Variants in TRMT9B observed in about 807,000 individuals in gnomAD.
TRMT9B encodes the protein probable tRNA methyltransferase 9B.
Under a neutral mutation model 11.5 loss-of-function variants are expected in TRMT9B, and 16 were observed. That is an observed-to-expected ratio of 1.39 (90% CI 0.94 to 2.11). The LOEUF (loss-of-function observed/expected upper bound fraction) is 2.11. Ranked by LOEUF, TRMT9B falls within the 30% of genes most tolerant of loss-of-function variation. The pLI is 0.00. For missense variants in TRMT9B, 941 were observed against 553.8 expected, an observed-to-expected ratio of 1.70 and a Z score of -7.02; for synonymous variants, 274 against 192.4, an observed-to-expected ratio of 1.42 and a Z score of -3.51.
chr8:13,016,106 GAT>G (rs147106628), intron 4 of TRMT9B, among the ~76,000 whole-genome samples: 8 of 141,340 alleles, frequency 5.7e-5, no homozygotes, highest in Admixed American at 7.4e-5. Context: ...ATATATATAT[GAT>G]ATATATATAT....
chr8:12,973,836 C>G (rs1480491587), intron 1 of TRMT9B, among the ~76,000 whole-genome samples: 1 of 152,128 alleles, frequency 6.6e-6, no homozygotes, highest in Non-Finnish European at 1.5e-5. Context: ...CCAGAGATCA[C>G]TGAACTCAGT....
intron 1 of TRMT9B, among the ~76,000 whole-genome samples, chr8:12,986,147 C>G (rs146219022): frequency 8.1e-4 from 123 of 152,262 alleles, no homozygotes; most frequent in African/African-American, 2.7e-3. Context: ...CAGGCATGAG[C>G]CACTGTGCCC....
chr8:12,985,916 T>A (rs1806216733), intron 1 of TRMT9B, among the ~76,000 whole-genome samples: 1 of 152,064 alleles, frequency 6.6e-6, no homozygotes, highest in African/African-American at 2.4e-5. Flanking sequence ...GCTTGAGTGC[T>A]GTGGCGTGAT....
chr8:13,010,717 A>G (rs549644876), intron 3 of TRMT9B: 30 of 984,628 alleles, frequency 3.0e-5, no homozygotes, highest in Non-Finnish European at 3.6e-5. Context: ...TTTCCCTTTC[A>G]TTTCTCCTAA....
intron 1 of TRMT9B, chr8:12,960,138 T>C (rs1423048109): frequency 6.6e-6 from 1 of 152,152 alleles, no homozygotes; most frequent in Non-Finnish European, 1.5e-5. Context: ...CTGGGACAAA[T>C]AAGGAGTTGC....
chr8:12,964,162 A>C (rs1802504808), intron 1 of TRMT9B, among the ~76,000 whole-genome samples: 1 of 152,186 alleles, frequency 6.6e-6, no homozygotes, highest in Non-Finnish European at 1.5e-5. Context: ...CATTATTGTG[A>C]CATTAGTTTT....
At position 13,022,259 on chromosome 8, in the gene TRMT9B, G is replaced by T. The variant is rs570918154; in HGVS notation, c.*215G>T. ...TGACAAAGGGTATTTGTGCTTAAAT[G>T]TTAATATACAAGATCTGAAGAAGCA... On this transcript the variant is annotated 3_prime_UTR_variant, in exon 5 of 5. Transcript: ENST00000524591. The T allele has an allele frequency of 1.5e-5, 7 of 481,518 alleles. No homozygotes were observed. The highest frequency in any genetic ancestry group is 8.0e-5 in the African/African-American group (4 of 50,084). The allele number at this position is 481,518 out of a possible 1,614,324, so 29.8% of individuals were successfully genotyped here. A position where few individuals can be genotyped will look rare whatever the true frequency, so the allele number is the denominator to read the frequency against.
At chr8:12,988,659 C>T (rs1237105907) in intron 1 of TRMT9B, among the ~76,000 whole-genome samples, 1 of 152,166 alleles carries the variant, frequency 6.6e-6, no homozygotes, top group Non-Finnish European at 1.5e-5. Context: ...CACTCACTAT[C>T]ATGAGAACAG....
At chr8:12,996,283 T>A (rs779804273) in intron 2 of TRMT9B, among the ~76,000 whole-genome samples, 5 of 152,166 alleles carry the variant, frequency 3.3e-5, no homozygotes, top group African/African-American at 1.2e-4. Flanking sequence ...GTAAAATGAA[T>A]TTCCTTCCTC....
At chr8:13,014,784 C>A (rs549826387) in intron 4 of TRMT9B, among the ~76,000 whole-genome samples, 1 of 152,016 alleles carries the variant, frequency 6.6e-6, no homozygotes, top group African/African-American at 2.4e-5. Flanking sequence ...AGAAATGGGC[C>A]GGGCGCGGTG....
chr8:13,017,620 T>TTG (rs1236566781), intron 4 of TRMT9B, among the ~76,000 whole-genome samples: 1 of 148,236 alleles, frequency 6.7e-6, no homozygotes, highest in East Asian at 2.0e-4. Flanking sequence ...TAGGCTTTTT[T>TTG]TTTTTTTTTT....
intron 4 of TRMT9B, among the ~76,000 whole-genome samples, chr8:13,019,288 G>A (rs926807950): frequency 5.3e-5 from 8 of 152,146 alleles, no homozygotes; most frequent in African/African-American, 1.7e-4. Flanking sequence ...ATATGAGTGT[G>A]TATATATAGA....
intron 1 of TRMT9B, among the ~76,000 whole-genome samples, chr8:12,978,165 T>G (rs760831494): frequency 6.6e-6 from 1 of 152,214 alleles, no homozygotes; most frequent in Non-Finnish European, 1.5e-5. Flanking sequence ...ATAGGCCTCC[T>G]GAGCAAATAA....
chr8:12,981,374 C>G (rs1363660155), intron 1 of TRMT9B, among the ~76,000 whole-genome samples: 2 of 152,122 alleles, frequency 1.3e-5, no homozygotes, highest in African/African-American at 2.4e-5. Flanking sequence ...AGCAAAGATG[C>G]AGATCAGATT....
In TRMT9B at chr8:13,000,880, G is replaced by A. The variant is rs910841602; in HGVS notation, c.-1-5322G>A. On this transcript the variant is annotated intron_variant, in intron 2 of 4. Coordinates refer to ENST00000524591, the MANE Select transcript of TRMT9B (RefSeq NM_020844.3). ...GAAGAATATTTCAGGGCTAGAACAGGGTATGGATTTGAGATTCAAGGTTAG... is the reference window on the plus strand; with the variant it reads ...GAAGAATATTTCAGGGCTAGAACAGAGTATGGATTTGAGATTCAAGGTTAG... Among the ~76,000 whole-genome samples the A allele has an allele frequency of 2.0e-5, 3 of 152,158 alleles. No homozygotes were observed. In the South Asian group the frequency reaches 6.2e-4, roughly 32 times the overall value.
chr8:13,009,537 G>A (rs999007741), intron 3 of TRMT9B, among the ~76,000 whole-genome samples: 23 of 152,256 alleles, frequency 1.5e-4, no homozygotes, highest in African/African-American at 5.3e-4. Context: ...GGCCTCTGAC[G>A]CTGTTAGCTT....
At chr8:12,978,262 C>T (rs528498487) in intron 1 of TRMT9B, among the ~76,000 whole-genome samples, 1 of 152,292 alleles carries the variant, frequency 6.6e-6, no homozygotes, top group South Asian at 2.1e-4. Context: ...TGCAGGTGAG[C>T]TCCCTGCTAC....
intron 1 of TRMT9B, among the ~76,000 whole-genome samples, chr8:12,974,221 G>C (rs531175232): frequency 6.6e-6 from 1 of 151,740 alleles, no homozygotes; most frequent in East Asian, 1.9e-4. Context: ...CTCCTTGCCG[G>C]CTCCCTTCAC....
chr8:12,960,708 G>T (rs1801987855), intron 1 of TRMT9B, among the ~76,000 whole-genome samples: 1 of 152,212 alleles, frequency 6.6e-6, no homozygotes, highest in African/African-American at 2.4e-5. Flanking sequence ...AAGCCAGTCT[G>T]AAAAAGCCTA....
Sources: gnomAD v4.1 joint callset for allele counts (sites outside exome capture counted in the v4.1 genomes callset) on GRCh38, gnomAD v4.1.1 for gene constraint, MANE v1.5 for transcripts, NCBI Gene and HGNC (gene_info 2026-07-23, HGNC 2026-07-21) for gene names.